The following ZNF208 variants were observed in gnomAD, a reference collection of about 807,000 sequenced individuals.
ZNF208 encodes zinc finger protein 208, also known as zinc finger protein 95.
Under a neutral mutation model 12.1 loss-of-function variants are expected in ZNF208, and 10 were observed. That is an observed-to-expected ratio of 0.83 (90% CI 0.51 to 1.40). The LOEUF (loss-of-function observed/expected upper bound fraction) is 1.40, where lower values mean the gene tolerates loss of function less well. Among genes scored for constraint, ZNF208 ranks in the 40% most tolerant of loss-of-function variants. The pLI is 0.00. For synonymous variants in ZNF208, 497 were observed against 488.4 expected (o/e 1.02, Z -0.23); for missense variants, 1,652 against 1,485.0 (o/e 1.11, Z -1.85).
At chr19:21,962,847 T>C (rs1281190078), downstream of ZNF208, among the ~76,000 whole-genome samples, 2 of 152,124 alleles carry the variant, frequency 1.3e-5, no homozygotes, top group African/African-American at 4.8e-5. Flanking sequence ...AGATAAGATT[T>C]GACCAAAATC....
At chr19:21,963,859 T>C (rs567804173), downstream of ZNF208, among the ~76,000 whole-genome samples, 1 of 151,968 alleles carries the variant, frequency 6.6e-6, no homozygotes, top group African/African-American at 2.4e-5. Flanking sequence ...ATAAACTTTA[T>C]GAAAAGATAG....
Position 21,973,911 on chromosome 19 carries a change from C to G in ZNF208, c.1123G>C (p.Gly375Arg). ...GTTGAGGGCCACTTATAGGCTTTGC[C>G]GCATTCTTCACATTTGTAGGGTTTC... ...GEKPYKCEECGKAYKWPSTLS... is the reference protein window; with the variant it reads ...GEKPYKCEECRKAYKWPSTLS... Residue 375 changes from glycine (G) to arginine (R), a missense_variant, in exon 4 of 4, where the codon GGC (glycine) becomes CGC (arginine). Gly to Arg is a moderately radical substitution (Grantham distance 125, BLOSUM62 -2). This residue lies in a region of ZNF208 where 1,239 missense variants were observed against 1,086.2 expected (regional missense o/e 1.14). Transcript: ENST00000397126. 1 of 1,613,348 alleles carries G rather than the reference C, an allele frequency of 6.2e-7. No individual in the cohort carries two copies.
chr19:21,961,593 G>A (rs1023492859), downstream of ZNF208, among the ~76,000 whole-genome samples: 4 of 152,074 alleles, frequency 2.6e-5, no homozygotes, highest in African/African-American at 9.7e-5. Context: ...TGAGGGTACT[G>A]CAGGAGACCA....
chr19:21,985,339 C>T (rs2359813), intron 3 of ZNF208, among the ~76,000 whole-genome samples: 88,818 of 152,028 alleles, frequency 0.58, 26,214 homozygotes, highest in East Asian at 0.69. Flanking sequence ...CAACATGGTA[C>T]AGTAAGGTTG....
At chr19:21,975,155 TTTTTGTTTTG>T (rs377725090) in intron 3 of ZNF208, among the ~76,000 whole-genome samples, 3 of 152,324 alleles carry the variant, frequency 2.0e-5, no homozygotes, top group Middle Eastern at 3.4e-3. Flanking sequence ...TGTTTGTGTT[TTTTTGTTTTG>T]TTTTGTTTTG....
At chr19:21,987,399 G>C (rs55714814) in intron 2 of ZNF208, 88 bp from the exon 3 acceptor site, 5 of 1,261,904 alleles carry the variant, frequency 4.0e-6, no homozygotes, top group Middle Eastern at 2.0e-4. Context: ...GGATGTAATA[G>C]AATATTCTAA....
At chr19:21,982,017 A>C (rs1320170383) in intron 3 of ZNF208, among the ~76,000 whole-genome samples, 1 of 152,160 alleles carries the variant, frequency 6.6e-6, no homozygotes, top group Non-Finnish European at 1.5e-5. Context: ...TTCAAGGAGA[A>C]CTACAAACCA....
intron 3 of ZNF208, 48 bp downstream of exon 3, chr19:21,987,168 T>C: frequency 6.3e-7 from 1 of 1,582,068 alleles, no homozygotes. Flanking sequence ...GGCTTCCTCC[T>C]TGACTTTCGA....
intron 3 of ZNF208, among the ~76,000 whole-genome samples, chr19:21,978,312 C>T (rs868214457): frequency 2.6e-5 from 4 of 152,172 alleles, no homozygotes; most frequent in African/African-American, 7.2e-5. Context: ...ATAGACACCT[C>T]GTACAAGAGA....
rs746831115 is a variant in ZNF208 at position 21,973,892 on chromosome 19, G to A, written c.1142C>T (p.Pro381Leu). ...TTTCTTATGATAACTAAGGGTTGAG[G>A]GCCACTTATAGGCTTTGCCGCATTC... is the stretch of plus-strand genomic sequence containing the variant. ...CEECGKAYKWPSTLSYHKKIH... is the reference protein window; with the variant it reads ...CEECGKAYKWLSTLSYHKKIH... The change falls in exon 4 of 4, where the codon CCC becomes CTC. Residue 381 changes from proline (P) to leucine (L), a missense_variant. Pro to Leu is a moderately conservative substitution (Grantham distance 98, BLOSUM62 -3). Transcript: ENST00000397126. 7 of 1,611,180 alleles carry A rather than the reference G, an allele frequency of 4.3e-6. No individual in the cohort carries two copies. In the East Asian group the frequency reaches 9.0e-5, roughly 21 times the overall value.
intron 3 of ZNF208, among the ~76,000 whole-genome samples, chr19:21,977,455 C>T (rs1017715720): frequency 2.0e-5 from 3 of 152,180 alleles, no homozygotes; most frequent in Non-Finnish European, 4.4e-5. Flanking sequence ...GATGTCGTCT[C>T]CCCTGGGAAG....
chr19:21,953,103 A>G (rs1969918191), intron 4 of ZNF208, among the ~76,000 whole-genome samples: 1 of 152,236 alleles, frequency 6.6e-6, no homozygotes, highest in Non-Finnish European at 1.5e-5. Context: ...AAATGAGAAG[A>G]CAAGCTTAGA....
At chr19:21,999,772 A>G (rs538842278) in intron 1 of ZNF208, among the ~76,000 whole-genome samples, 1 of 152,230 alleles carries the variant, frequency 6.6e-6, no homozygotes, top group Non-Finnish European at 1.5e-5. Context: ...GGTTTGTGTT[A>G]TTGCTAATAT....
chr19:21,999,834 C>CT (rs1171498555), intron 1 of ZNF208, among the ~76,000 whole-genome samples: 1 of 152,046 alleles, frequency 6.6e-6, no homozygotes, highest in South Asian at 2.1e-4. Context: ...TAATCTAAAC[C>CT]TTTTATAAAA....
In ZNF208 at chr19:21,970,183, G is replaced by A. The variant is rs1474005675; in HGVS notation, c.*1008C>T. ...AAGCATTGTCACATCTTTCAGGTTT[G>A]TAGAGTCTCTCTTGTGTATGAATTA... On this transcript the variant is annotated 3_prime_UTR_variant, in exon 4 of 4. Coordinates refer to ENST00000397126, the MANE Select transcript of ZNF208 (RefSeq NM_007153.3). Among the ~76,000 whole-genome samples, 2 of 152,166 alleles carry A rather than the reference G, an allele frequency of 1.3e-5. No individual in the cohort carries two copies. Among genetic ancestry groups the A allele is most frequent in the Non-Finnish European group, 1.5e-5 (1 of 68,020 alleles).
downstream of ZNF208, among the ~76,000 whole-genome samples, chr19:21,963,604 A>T (rs1441865753): frequency 6.6e-6 from 1 of 152,020 alleles, no homozygotes; most frequent in Non-Finnish European, 1.5e-5. Context: ...TTAGGGTCTT[A>T]ATTTAATTGA....
At chr19:21,959,826 A>G (rs185074060) in intron 4 of ZNF208, among the ~76,000 whole-genome samples, 39 of 152,342 alleles carry the variant, frequency 2.6e-4, no homozygotes, top group African/African-American at 8.4e-4. Flanking sequence ...TGTCAGAAGA[A>G]GGTAACTTGA....
At chr19:21,961,909 AAC>A (rs1970076959), downstream of ZNF208, among the ~76,000 whole-genome samples, 1 of 152,124 alleles carries the variant, frequency 6.6e-6, no homozygotes, top group African/African-American at 2.4e-5. Flanking sequence ...ATATTGTTCA[AAC>A]ACACGTTTTA....
intron 1 of ZNF208, among the ~76,000 whole-genome samples, chr19:21,994,950 TTTTC>T (rs1473920152): frequency 2.5e-5 from 1 of 39,908 alleles, no homozygotes; most frequent in Admixed American, 2.4e-4. Context: ...TCTGTTTTTC[TTTTC>T]TTTTTTTTTT....
Sources: allele counts gnomAD v4.1 joint callset (sites outside exome capture counted in the v4.1 genomes callset), GRCh38; gene constraint gnomAD v4.1.1; regional missense constraint gnomAD v4.1.1; transcripts MANE v1.5; gene names NCBI Gene and HGNC (gene_info 2026-07-23, HGNC 2026-07-21).